The following RFX4 variants were observed in gnomAD, a reference collection of about 807,000 sequenced individuals.
The protein encoded by RFX4 is transcription factor RFX4.
Under a neutral mutation model 95.0 loss-of-function variants are expected in RFX4, and 10 were observed. The observed-to-expected ratio is 0.11, with a 90% confidence interval of 0.06 to 0.18. The LOEUF is 0.18. Among genes scored for constraint, RFX4 ranks in the 10% least tolerant of loss-of-function variants. The pLI, the probability that RFX4 is intolerant of heterozygous loss-of-function variation, is 1.00. For synonymous variants in RFX4, 321 were observed against 340.7 expected (o/e 0.94, Z 0.64); for missense variants, 640 against 922.0 (o/e 0.69, Z 3.96).
At chr12:106,647,648 C>T (rs1446310436) in intron 3 of RFX4, among the ~76,000 whole-genome samples, 1 of 152,066 alleles carries the variant, frequency 6.6e-6, no homozygotes, top group Non-Finnish European at 1.5e-5. Context: ...ACTATGTTAA[C>T]ATCAATAGGA....
intron 8 of RFX4, among the ~76,000 whole-genome samples, chr12:106,703,715 C>T (rs866909200): frequency 6.6e-6 from 1 of 152,052 alleles, no homozygotes; most frequent in East Asian, 1.9e-4. Flanking sequence ...AATGTTAACC[C>T]CTCCCTTCCT....
chr12:106,747,586 A>G lies in RFX4; in HGVS notation c.1783A>G (p.Arg595Gly). The change falls in exon 16 of 18, where the codon AGA becomes GGA. Residue 595 changes from arginine (R) to glycine (G), a missense_variant. By Grantham distance (125) the Arg-to-Gly change is moderately radical. Coordinates refer to ENST00000392842, the MANE Select transcript of RFX4 (RefSeq NM_213594.3). ...ACACAGGATACCAGTTTATCCCCACAGAGAGGAACATGGGTAGGTAACTTT... is the reference window on the plus strand; with the variant it reads ...ACACAGGATACCAGTTTATCCCCACGGAGAGGAACATGGGTAGGTAACTTT... ...VTHRIPVYPH[R>G]EEHGYTGSYN... 1 of 1,613,736 alleles carries G rather than the reference A, an allele frequency of 6.2e-7. No individual in the cohort carries two copies. The highest frequency in any genetic ancestry group is 8.5e-7 in the Non-Finnish European group (1 of 1,179,834).
intron 2 of RFX4, among the ~76,000 whole-genome samples, chr12:106,616,119 G>A (rs1218850935): frequency 6.6e-6 from 1 of 152,176 alleles, no homozygotes; most frequent in Admixed American, 6.5e-5. Flanking sequence ...TCATTATCAG[G>A]TTGAGAAAAT....
chr12:106,601,898 G>C (rs560299411), intron 1 of RFX4, among the ~76,000 whole-genome samples: 1 of 152,134 alleles, frequency 6.6e-6, no homozygotes, highest in Non-Finnish European at 1.5e-5. Context: ...TTCCCTCCTT[G>C]GTCTGGCAGG....
intron 1 of RFX4, among the ~76,000 whole-genome samples, chr12:106,593,827 A>AT (rs1565942964): frequency 6.6e-6 from 1 of 152,234 alleles, no homozygotes; most frequent in Non-Finnish European, 1.5e-5. Context: ...ATGCTCATGA[A>AT]TAAGTCAAGT....
intron 13 of RFX4, among the ~76,000 whole-genome samples, chr12:106,727,709 T>C (rs1298144200): frequency 6.6e-6 from 1 of 151,984 alleles, no homozygotes; most frequent in Non-Finnish European, 1.5e-5. Flanking sequence ...AACCTCCGCC[T>C]CCTGGGTTCA....
chr12:106,668,086 C>T (rs1465789325), intron 4 of RFX4, among the ~76,000 whole-genome samples: 1 of 152,194 alleles, frequency 6.6e-6, no homozygotes, highest in African/African-American at 2.4e-5. Context: ...ACTTTTCTCA[C>T]ATAAACTAAG....
chr12:106,599,903 C>T lies in RFX4; in HGVS notation c.44-8894C>T, dbSNP rs187605848. 2.4e-4 allele frequency among the ~76,000 whole-genome samples: 36 copies of T among 152,124 alleles called. No individual in the cohort carries two copies. In the East Asian group the frequency reaches 5.8e-3, roughly 25 times the overall value. On this transcript the variant is annotated intron_variant, in intron 1 of 17. Coordinates refer to ENST00000392842, the MANE Select transcript of RFX4 (RefSeq NM_213594.3). ...GTTCAGGTTTGGATGATAAGGGATACGGTCACCCTTACTCCGTGGCCTCCT... is the reference window on the plus strand; with the variant it reads ...GTTCAGGTTTGGATGATAAGGGATATGGTCACCCTTACTCCGTGGCCTCCT...
intron 7 of RFX4, among the ~76,000 whole-genome samples, chr12:106,694,467 G>A (rs758803228): frequency 6.6e-6 from 1 of 152,182 alleles, no homozygotes; most frequent in Non-Finnish European, 1.5e-5. Flanking sequence ...CAGGGCAGGG[G>A]CAGAAAGCTG....
intron 3 of RFX4, among the ~76,000 whole-genome samples, chr12:106,644,024 C>T (rs1454058467): frequency 6.6e-6 from 1 of 152,108 alleles, no homozygotes; most frequent in East Asian, 1.9e-4. Context: ...TTTAATTTAG[C>T]ATTGTCTCCT....
chr12:106,628,762 CTTTT>C (rs397850563), intron 2 of RFX4, among the ~76,000 whole-genome samples: 5 of 133,252 alleles, frequency 3.8e-5, no homozygotes, highest in Non-Finnish European at 1.6e-5. Context: ...ATATATGTTC[CTTTT>C]TTTTTTTTTT....
intron 4 of RFX4, among the ~76,000 whole-genome samples, chr12:106,678,625 T>C (rs2041444248): frequency 6.6e-6 from 1 of 152,232 alleles, no homozygotes; most frequent in Admixed American, 6.5e-5. Flanking sequence ...AGTACATAAA[T>C]ATACAAACCC....
chr12:106,761,378 C>T lies in RFX4; in HGVS notation c.2117C>T (p.Thr706Ile). Residue 706 changes from threonine (T) to isoleucine (I), a missense_variant, in exon 18 of 18, where the codon ACA becomes ATA. This residue lies in a region of RFX4 where 300 missense variants were observed against 346.8 expected (regional missense o/e 0.87). Transcript: ENST00000392842. Reference protein sequence around the residue: ...GNSSDMYTPLTTRRNSEYEHM... With the variant: ...GNSSDMYTPLITRRNSEYEHM... ...TCTAGTGACATGTATACACCTCTGA[C>T]AACGCGCAGGAATTCTGAATATGAG... 1 of 1,614,168 alleles carries T rather than the reference C, an allele frequency of 6.2e-7. No individual in the cohort carries two copies. Among genetic ancestry groups the T allele is most frequent in the Non-Finnish European group, 8.5e-7 (1 of 1,180,028 alleles).
rs1315029806 is a variant in RFX4 at position 106,762,759 on chromosome 12, C to T, written c.*1290C>T. The T allele has an allele frequency of 1.4e-5, 2 of 144,626 alleles. No homozygotes were observed. Among genetic ancestry groups the T allele is most frequent in the Non-Finnish European group, 3.0e-5 (2 of 67,164 alleles). 9.0% of individuals were successfully genotyped at this position (144,626 alleles called of 1,614,324 possible). ...AAATAGTTTTATCTGTACAGTTGTG[C>T]AAGATATGAATGGTTTCACACTCAA... is the stretch of plus-strand genomic sequence containing the variant. On this transcript the variant is annotated 3_prime_UTR_variant, in exon 18 of 18. Coordinates refer to ENST00000392842, the MANE Select transcript of RFX4 (RefSeq NM_213594.3).
At chr12:106,760,872 C>G (rs2043197052) in intron 17 of RFX4, among the ~76,000 whole-genome samples, 1 of 152,040 alleles carries the variant, frequency 6.6e-6, no homozygotes, top group South Asian at 2.1e-4. Flanking sequence ...GTGTGTGTGA[C>G]AAACACACAC....
At chr12:106,753,673 T>C (rs1446563310) in intron 17 of RFX4, among the ~76,000 whole-genome samples, 2 of 152,166 alleles carry the variant, frequency 1.3e-5, no homozygotes, top group Non-Finnish European at 2.9e-5. Context: ...CACAGTAACC[T>C]GCCTGAGGGG....
At chr12:106,756,610 G>A (rs1407791503) in intron 17 of RFX4, among the ~76,000 whole-genome samples, 2 of 152,112 alleles carry the variant, frequency 1.3e-5, no homozygotes, top group African/African-American at 2.4e-5. Context: ...ATCTCTGACT[G>A]TAGAGCCAGG....
chr12:106,716,971 G>A (rs1175566675), intron 11 of RFX4, among the ~76,000 whole-genome samples: 1 of 134,740 alleles, frequency 7.4e-6, no homozygotes, highest in Non-Finnish European at 1.5e-5. Flanking sequence ...CCTTAGTGCT[G>A]CTCATATTGT....
chr12:106,650,442 G>A (rs1489209485), intron 3 of RFX4, among the ~76,000 whole-genome samples: 1 of 152,170 alleles, frequency 6.6e-6, no homozygotes, highest in South Asian at 2.1e-4. Context: ...ACTCTCAAAA[G>A]TCAAAGATGG....
Sources: allele counts gnomAD v4.1 joint callset (sites outside exome capture counted in the v4.1 genomes callset), GRCh38; gene constraint gnomAD v4.1.1; regional missense constraint gnomAD v4.1.1; transcripts MANE v1.5; gene names NCBI Gene and HGNC (gene_info 2026-07-23, HGNC 2026-07-21).